MALRD1: variants seen among roughly 807,000 people sequenced by gnomAD.
MALRD1 encodes MAM and LDL receptor class A domain containing 1.
Under a neutral mutation model 242.1 loss-of-function variants are expected in MALRD1, and 247 were observed. The ratio of observed to expected loss-of-function variants is 1.02; its 90% CI spans 0.92 to 1.13. The LOEUF (loss-of-function observed/expected upper bound fraction) is 1.13, where lower values mean the gene tolerates loss of function less well. Ranked by LOEUF, MALRD1 falls within the 50% of genes most tolerant of loss-of-function variation. The pLI is 0.00. For synonymous variants in MALRD1, 995 were observed against 866.6 expected (o/e 1.15, Z -2.60); for missense variants, 2,989 against 2,533.1 (o/e 1.18, Z -3.86).
In MALRD1 at chr10:19,126,161, C is replaced by T. The variant is rs1027822389; in HGVS notation, c.943+1491C>T. ...GCATGTAATGGTTTTTAGTTTAATG[C>T]AGATTTTAAAAATGTTTCTTTATCT... On this transcript the variant is annotated intron_variant, in intron 7 of 39. Transcript: ENST00000454679. 5.3e-5 allele frequency among the ~76,000 whole-genome samples: 8 copies of T among 151,952 alleles called. 1 individual carries two copies. Among genetic ancestry groups the T allele is most frequent in the African/African-American group, 1.7e-4 (7 of 41,458 alleles).
intron 38 of MALRD1, among the ~76,000 whole-genome samples, chr10:19,721,369 A>T (rs933149607): frequency 6.6e-6 from 1 of 152,154 alleles, no homozygotes; most frequent in Non-Finnish European, 1.5e-5. Context: ...ATTAGGGTTT[A>T]CTTCTGTGGG....
chr10:19,465,031 T>C (rs558233695), intron 29 of MALRD1, among the ~76,000 whole-genome samples: 2 of 151,950 alleles, frequency 1.3e-5, no homozygotes, highest in South Asian at 4.1e-4. Flanking sequence ...TGTTGTTGTA[T>C]AGCAGGGCTA....
rs564286042 is a variant in MALRD1 at position 19,086,708 on chromosome 10, C to A, written c.341-1132C>A. Reference sequence around the variant, plus strand: ...GAAGAAAGAAACATGAAAAGTGGCTCATCAGTCAGAAACAGGTTTATTTTA... The same window carrying A: ...GAAGAAAGAAACATGAAAAGTGGCTAATCAGTCAGAAACAGGTTTATTTTA... On this transcript the variant is annotated intron_variant, in intron 2 of 39. Transcript: ENST00000454679. 3.3e-5 allele frequency among the ~76,000 whole-genome samples: 5 copies of A among 152,190 alleles called. No homozygotes were observed. In the East Asian group the frequency reaches 9.7e-4, roughly 30 times the overall value.
chr10:19,329,982 ATTGC>A (rs1564567719), intron 23 of MALRD1, among the ~76,000 whole-genome samples: 5 of 152,190 alleles, frequency 3.3e-5, no homozygotes, highest in African/African-American at 1.2e-4. Context: ...TTCACAGAGC[ATTGC>A]AGCATATGTT....
chr10:19,450,653 G>C (rs994874444), intron 29 of MALRD1, among the ~76,000 whole-genome samples, 163 bp downstream of exon 29: 5 of 152,216 alleles, frequency 3.3e-5, no homozygotes, highest in Admixed American at 6.5e-5. Context: ...ACTGTATGTT[G>C]AGATAATACC....
rs563844719 is a variant in MALRD1 at position 19,430,367 on chromosome 10, G to T, written c.4846-19940G>T. Among the ~76,000 whole-genome samples, 19 of 151,420 alleles carry T rather than the reference G, an allele frequency of 1.3e-4. No homozygotes were observed. In the South Asian group the frequency reaches 1.5e-3, roughly 12 times the overall value. ...TTTGACCTCGTGATCCACCCACCTC[G>T]GCCTCCCAAAGCGCTGGGATTACAG... is the stretch of plus-strand genomic sequence containing the variant. On this transcript the variant is annotated intron_variant, in intron 28 of 39. Transcript: ENST00000454679.
At chr10:19,451,631 G>A (rs1835334038) in intron 29 of MALRD1, among the ~76,000 whole-genome samples, 1 of 152,092 alleles carries the variant, frequency 6.6e-6, no homozygotes, top group South Asian at 2.1e-4. Context: ...CCTGAATGCT[G>A]TTTAATTTTA....
At chr10:19,519,525 G>GCCAT (rs1394403708) in intron 31 of MALRD1, among the ~76,000 whole-genome samples, 1 of 152,092 alleles carries the variant, frequency 6.6e-6, no homozygotes, top group African/African-American at 2.4e-5. Flanking sequence ...ACTTTGGCAG[G>GCCAT]CCGTCGCAGG....
intron 24 of MALRD1, among the ~76,000 whole-genome samples, chr10:19,346,142 C>A (rs1192711968): frequency 1.3e-5 from 2 of 152,028 alleles, no homozygotes; most frequent in South Asian, 4.1e-4. Context: ...GTTTATTTTG[C>A]ACCTTGAGAT....
At chr10:19,368,689 A>G (rs890991277) in intron 26 of MALRD1, among the ~76,000 whole-genome samples, 3 of 151,898 alleles carry the variant, frequency 2.0e-5, no homozygotes, top group Admixed American at 6.6e-5. Flanking sequence ...TATTGAATCT[A>G]TAGATTTCTT....
At chr10:19,101,707 A>G (rs1417915164) in intron 4 of MALRD1, among the ~76,000 whole-genome samples, 1 of 135,692 alleles carries the variant, frequency 7.4e-6, no homozygotes, top group African/African-American at 2.7e-5. Flanking sequence ...ATATGTATAT[A>G]TAATATATAT....
intron 31 of MALRD1, among the ~76,000 whole-genome samples, chr10:19,501,964 G>T (rs1406686326): frequency 2.0e-5 from 3 of 147,996 alleles, no homozygotes; most frequent in Admixed American, 6.9e-5. Context: ...ATGAGATTGA[G>T]GCTGCAGTGT....
intron 9 of MALRD1, among the ~76,000 whole-genome samples, chr10:19,135,635 A>C (rs889551781): frequency 6.6e-5 from 10 of 152,200 alleles, no homozygotes; most frequent in Non-Finnish European, 1.0e-4. Context: ...GCCACTGATC[A>C]CATGAGGCTA....
intron 36 of MALRD1, among the ~76,000 whole-genome samples, chr10:19,660,658 A>G (rs747928190): frequency 6.6e-5 from 10 of 152,194 alleles, no homozygotes; most frequent in Non-Finnish European, 1.5e-4. Flanking sequence ...ACTTGAAAGC[A>G]TGGAATATTT....
chr10:19,146,778 C>G (rs1415708870), intron 11 of MALRD1, among the ~76,000 whole-genome samples: 1 of 152,160 alleles, frequency 6.6e-6, no homozygotes, highest in Non-Finnish European at 1.5e-5. Context: ...GCAATTTAAT[C>G]AGTCTTCGGG....
chr10:19,730,633 A>G, intron 38 of MALRD1, 73 bp from the exon 39 acceptor site: 2 of 1,439,896 alleles, frequency 1.4e-6, no homozygotes, highest in Non-Finnish European at 1.9e-6. Context: ...AGTTTCTAAC[A>G]AACAATAACC....
In MALRD1 at chr10:19,595,226, G is replaced by A; in HGVS notation, c.5713G>A (p.Ala1905Thr). ...CCCAGTGCAGCCATCACCCTGTGAA[G>A]CTGATCAGTTTTCTTGTATCTACAC... ...PVPVQPSPCE[A>T]DQFSCIYTLQ... The change falls in exon 34 of 40, where the codon GCT becomes ACT. Residue 1905 changes from alanine (A) to threonine (T), a missense_variant. By Grantham distance (58) the Ala-to-Thr change is moderately conservative. Transcript: ENST00000454679. 1 of 1,550,374 alleles carries A rather than the reference G, an allele frequency of 6.5e-7. No homozygotes were observed.
At chr10:19,362,100 G>C (rs1011831895) in intron 26 of MALRD1, among the ~76,000 whole-genome samples, 4 of 152,064 alleles carry the variant, frequency 2.6e-5, no homozygotes, top group African/African-American at 9.7e-5. Context: ...AATTCTTTTA[G>C]GGCTATCATA....
intron 36 of MALRD1, among the ~76,000 whole-genome samples, chr10:19,672,279 T>C (rs2131765563): frequency 6.6e-6 from 1 of 152,148 alleles, no homozygotes; most frequent in African/African-American, 2.4e-5. Flanking sequence ...TCTCTCTATA[T>C]ATATAATATT....
Sources: allele counts gnomAD v4.1 joint callset (sites outside exome capture counted in the v4.1 genomes callset), GRCh38; gene constraint gnomAD v4.1.1; transcripts MANE v1.5; gene names NCBI Gene and HGNC (gene_info 2026-07-23, HGNC 2026-07-21).